Variants in UNC119B observed in about 807,000 individuals in gnomAD.
UNC119B encodes the protein protein unc-119 homolog B.
Under a neutral mutation model 23.4 loss-of-function variants are expected in UNC119B, and 16 were observed. The observed-to-expected ratio is 0.68, with a 90% confidence interval of 0.46 to 1.04. The LOEUF (loss-of-function observed/expected upper bound fraction) is 1.04. Ranked by LOEUF, UNC119B falls within the 50% of genes least tolerant of loss-of-function variation. UNC119B has a pLI of 0.00. For synonymous variants in UNC119B, 144 were observed against 145.4 expected, an observed-to-expected ratio of 0.99 and a Z score of 0.07; for missense variants, 350 against 361.3, an observed-to-expected ratio of 0.97 and a Z score of 0.25.
At chr12:120,712,231 G>C (rs1012551238) in intron 1 of UNC119B, among the ~76,000 whole-genome samples, 1 of 152,140 alleles carries the variant, frequency 6.6e-6, no homozygotes, top group Non-Finnish European at 1.5e-5. Flanking sequence ...TTAACGTCTC[G>C]TTCATTCTAT....
chr12:120,716,993 G>A lies in UNC119B; in HGVS notation c.594G>A (p.Arg198=). The A allele has an allele frequency of 6.2e-7, 1 of 1,611,542 alleles. No homozygotes were observed. The highest frequency in any genetic ancestry group is 1.3e-5 in the African/African-American group (1 of 74,916). The part of the protein sequence containing the change: ...FDFGFCIPSS[R]NTCEHIYEFP... ...TTGGCTTCTGCATCCCCAGCAGTAGGAACACTTGTGAACATATCTATGAGT... is the reference window on the plus strand; with the variant it reads ...TTGGCTTCTGCATCCCCAGCAGTAGAAACACTTGTGAACATATCTATGAGT... The change falls in exon 4 of 5, where the codon AGG becomes AGA. Residue 198 remains arginine (R), a synonymous_variant. Transcript: ENST00000344651.
At chr12:120,719,820 C>G in intron 4 of UNC119B, 100 bp from the exon 5 acceptor site, 1 of 777,030 alleles carries the variant, frequency 1.3e-6, no homozygotes, top group Non-Finnish European at 2.2e-6. Context: ...GAAGCGCTGG[C>G]TTATTTTGGA....
intron 2 of UNC119B, among the ~76,000 whole-genome samples, chr12:120,716,153 G>C (rs549020433): frequency 2.0e-4 from 30 of 152,338 alleles, no homozygotes; most frequent in African/African-American, 7.2e-4. Context: ...GTTGGTGCTA[G>C]CGCTTCAACT....
chr12:120,714,214 T>G (rs12828810), intron 2 of UNC119B, among the ~76,000 whole-genome samples: 37,682 of 152,168 alleles, frequency 0.25, 4,970 homozygotes, highest in Middle Eastern at 0.36. Flanking sequence ...GGCCCCGATT[T>G]CACCCCTACC....
Position 120,720,285 on chromosome 12 carries a change from A to G in UNC119B, c.*253A>G. 2.3e-6 allele frequency: 1 copy of G among 434,584 alleles called. No individual in the cohort carries two copies. Among genetic ancestry groups the G allele is most frequent in the Non-Finnish European group, 4.1e-6 (1 of 245,386 alleles). The allele number at this position is 434,584 out of a possible 1,614,324, so 26.9% of individuals were successfully genotyped here. ...CTATAGTAAAGTAAAAGGTTAGGAT[A>G]AGGGTCCTGGAATCCAGATAAAAAA... is the stretch of plus-strand genomic sequence containing the variant. On this transcript the variant is annotated 3_prime_UTR_variant, in exon 5 of 5. Transcript: ENST00000344651.
Position 120,713,396 on chromosome 12 carries a change from C to T in UNC119B, c.358+9C>T, listed in dbSNP as rs759775611. ...CAAACCTTGCGTTTCAGGTAGGCCT[C>T]TACGTTGTGGTGACCACTAGACAGT... On this transcript the variant is annotated intron_variant, in intron 2 of 4. Transcript: ENST00000344651. 2.5e-6 allele frequency: 4 copies of T among 1,603,996 alleles called. No individual in the cohort carries two copies. The highest frequency in any genetic ancestry group is 1.7e-4 in the Middle Eastern group (1 of 6,044).
intron 2 of UNC119B, among the ~76,000 whole-genome samples, chr12:120,713,841 C>T (rs1882717949): frequency 6.6e-6 from 1 of 152,204 alleles, no homozygotes; most frequent in Middle Eastern, 3.2e-3. Context: ...TAGGGAGGAT[C>T]CTGGTCCAGA....
Position 120,720,169 on chromosome 12 carries a change from T to G in UNC119B, c.*137T>G. 1 of 652,906 alleles carries G rather than the reference T, an allele frequency of 1.5e-6. No individual in the cohort carries two copies. Among genetic ancestry groups the G allele is most frequent in the East Asian group, 2.8e-5 (1 of 36,084 alleles). The allele number at this position is 652,906 out of a possible 1,614,324, so 40.4% of individuals were successfully genotyped here. On this transcript the variant is annotated 3_prime_UTR_variant, in exon 5 of 5. Coordinates refer to ENST00000344651, the MANE Select transcript of UNC119B (RefSeq NM_001080533.3). Reference sequence around the variant, plus strand: ...AGCCAAGGCTGGGGTGGCAGTTTCCTGCGCGCCAAAGGAGCTGCCAAACAG... The same window carrying G: ...AGCCAAGGCTGGGGTGGCAGTTTCCGGCGCGCCAAAGGAGCTGCCAAACAG...
chr12:120,710,920 G>T, intron 1 of UNC119B: 2 of 430,560 alleles, frequency 4.6e-6, no homozygotes. Flanking sequence ...CTCCTGGGCT[G>T]GACCGCATTC....
At chr12:120,710,768 C>T in intron 1 of UNC119B, 50 bp downstream of exon 1, 4 of 1,288,776 alleles carry the variant, frequency 3.1e-6, no homozygotes, top group Non-Finnish European at 3.9e-6. Flanking sequence ...CCCCGGCTCC[C>T]GGAGCCTTCA....
rs1304014995 is a variant in UNC119B at position 120,716,941 on chromosome 12, A to G, written c.542A>G (p.His181Arg). 5.0e-6 allele frequency: 8 copies of G among 1,613,808 alleles called. No individual in the cohort carries two copies. The highest frequency in any genetic ancestry group is 1.1e-5 in the South Asian group (1 of 91,056). Residue 181 changes from histidine (H) to arginine (R), a missense_variant, in exon 4 of 5, where the codon CAC becomes CGC. Transcript: ENST00000344651. ...RMIERHYFREHLLKNFDFDFG... is the reference protein window; with the variant it reads ...RMIERHYFRERLLKNFDFDFG... Reference sequence around the variant, plus strand: ...ATCGAACGGCACTATTTCCGGGAACACTTGCTGAAAAACTTTGACTTTGAT... The same window carrying G: ...ATCGAACGGCACTATTTCCGGGAACGCTTGCTGAAAAACTTTGACTTTGAT...
Position 120,723,602 on chromosome 12 carries a change from G to A in UNC119B, c.*3570G>A, listed in dbSNP as rs1013688514. On this transcript the variant is annotated 3_prime_UTR_variant, in exon 5 of 5. Coordinates refer to ENST00000344651, the MANE Select transcript of UNC119B (RefSeq NM_001080533.3). Reference sequence around the variant, plus strand: ...ACTTATTTGTATAAAATGTTATTTTGCCACATGAGACAGTAATAAAAGAAA... The same window carrying A: ...ACTTATTTGTATAAAATGTTATTTTACCACATGAGACAGTAATAAAAGAAA... 6.6e-6 allele frequency: 1 copy of A among 151,904 alleles called. No homozygotes were observed. The highest frequency in any genetic ancestry group is 1.5e-5 in the Non-Finnish European group (1 of 68,014). The allele number at this position is 151,904 out of a possible 1,614,324, so 9.4% of individuals were successfully genotyped here.
chr12:120,719,808 C>G (rs3830155), intron 4 of UNC119B, 112 bp from the exon 5 acceptor site: 32,051 of 716,932 alleles, frequency 0.045, 3,019 homozygotes, highest in African/African-American at 0.29. Context: ...AGAGTATACT[C>G]TGAAGCGCTG....
intron 4 of UNC119B, 71 bp downstream of exon 4, chr12:120,717,113 T>C: frequency 6.9e-7 from 1 of 1,454,656 alleles, no homozygotes. Context: ...GAAACCCATC[T>C]GGTCCAGCGC....
At chr12:120,716,782 C>T (rs753330063) in intron 3 of UNC119B, 43 bp downstream of exon 3, 4 of 1,607,140 alleles carry the variant, frequency 2.5e-6, no homozygotes, top group Admixed American at 1.7e-5. Flanking sequence ...TCTGTTTGTT[C>T]ACAGAGAAGA....
intron 2 of UNC119B, among the ~76,000 whole-genome samples, chr12:120,713,935 C>T (rs1882718993): frequency 6.6e-6 from 1 of 152,184 alleles, no homozygotes. Context: ...TTAATCTCAA[C>T]CATTTTCTGG....
chr12:120,713,168 GT>G, intron 1 of UNC119B, 105 bp from the exon 2 acceptor site: 1 of 870,966 alleles, frequency 1.1e-6, no homozygotes, highest in Non-Finnish European at 1.8e-6. Flanking sequence ...TATTTTAAGT[GT>G]GTTGTGTAAG....
intron 4 of UNC119B, 129 bp from the exon 5 acceptor site, chr12:120,719,791 T>C: frequency 1.5e-6 from 1 of 651,556 alleles, no homozygotes; most frequent in East Asian, 2.7e-5. Context: ...CTCATCGTTA[T>C]TCTGGCAGAG....
chr12:120,718,275 CAG>C, intron 4 of UNC119B, among the ~76,000 whole-genome samples: 1 of 152,312 alleles, frequency 6.6e-6, no homozygotes, highest in Non-Finnish European at 1.5e-5. Context: ...GGACGCTGAT[CAG>C]ATAAAGCACC....
Sources: gnomAD v4.1 joint callset for allele counts (sites outside exome capture counted in the v4.1 genomes callset) on GRCh38, gnomAD v4.1.1 for gene constraint, MANE v1.5 for transcripts, NCBI Gene and HGNC (gene_info 2026-07-23, HGNC 2026-07-21) for gene names.